Variants in LRRC37A2 observed in about 807,000 individuals in gnomAD.
The protein encoded by LRRC37A2 is leucine rich repeat containing 37 member A2, also known as leucine-rich repeat-containing protein 37A2.
A neutral mutation model predicts 68.8 loss-of-function variants in LRRC37A2; 9 were observed. The observed-to-expected ratio is 0.13, with a 90% CI of 0.08 to 0.23. The LOEUF (loss-of-function observed/expected upper bound fraction) is 0.23. Among genes scored for constraint, LRRC37A2 ranks in the 10% least tolerant of loss-of-function variants. The pLI, the probability that LRRC37A2 is intolerant of heterozygous loss-of-function variation, is 1.00. For synonymous variants in LRRC37A2, 63 were observed against 367.6 expected (o/e 0.17, Z 9.48); for missense variants, 168 against 950.4 (o/e 0.18, Z 10.82).
At chr17:46,960,670 T>TA in the LRRC37A2 span, among the ~76,000 whole-genome samples, 1 of 152,230 alleles carries the variant, frequency 6.6e-6, no homozygotes, top group Non-Finnish European at 1.5e-5. Context: ...AATGGAATAT[T>TA]ACTACTAAGC....
the LRRC37A2 span, among the ~76,000 whole-genome samples, chr17:46,795,500 CCT>C: frequency 3.9e-5 from 6 of 152,144 alleles, no homozygotes; most frequent in African/African-American, 1.2e-4. Flanking sequence ...CCCCTGACGC[CCT>C]GTCTAACCCT....
At chr17:46,943,512 A>T in the LRRC37A2 span, among the ~76,000 whole-genome samples, 50 of 152,310 alleles carry the variant, frequency 3.3e-4, no homozygotes, top group African/African-American at 1.2e-3. Flanking sequence ...TGAAACCTCC[A>T]AGAAGCCTGC....
chr17:47,000,069 TAAAATA>T, the LRRC37A2 span, among the ~76,000 whole-genome samples: 8,247 of 25,508 alleles, frequency 0.32, 1,777 homozygotes, highest in South Asian at 0.54. Flanking sequence ...AAAATTAAAA[TAAAATA>T]AAAAATAAAA....
chr17:46,966,858 G>T, the LRRC37A2 span: 1 of 409,362 alleles, frequency 2.4e-6, no homozygotes, highest in Non-Finnish European at 4.3e-6. Context: ...CATGTGAAGA[G>T]CCCTCTCTAA....
At chr17:46,759,706 CCAT>C in the LRRC37A2 span, among the ~76,000 whole-genome samples, 3 of 152,284 alleles carry the variant, frequency 2.0e-5, no homozygotes, top group African/African-American at 7.2e-5. Context: ...AATCATGTCG[CCAT>C]CATGTTTCCT....
the LRRC37A2 span, among the ~76,000 whole-genome samples, chr17:46,899,396 C>A: frequency 6.6e-6 from 1 of 151,968 alleles, no homozygotes; most frequent in South Asian, 2.1e-4. Flanking sequence ...CAGAGCGAGA[C>A]CCTGTCTCAA....
the LRRC37A2 span, chr17:46,770,078 C>T: frequency 6.6e-7 from 1 of 1,519,142 alleles, no homozygotes; most frequent in Non-Finnish European, 8.8e-7. Flanking sequence ...AGGCAGCACT[C>T]AGGACCCGGC....
At chr17:46,904,024 G>A in the LRRC37A2 span, among the ~76,000 whole-genome samples, 1 of 151,426 alleles carries the variant, frequency 6.6e-6, no homozygotes, top group Non-Finnish European at 1.5e-5. Flanking sequence ...AAATGTATGG[G>A]TGGGTGGATG....
the LRRC37A2 span, among the ~76,000 whole-genome samples, chr17:46,912,946 G>A: frequency 6.6e-6 from 1 of 152,230 alleles, no homozygotes; most frequent in Non-Finnish European, 1.5e-5. Flanking sequence ...AGCTTGGCCA[G>A]CTTAGGCAGG....
At chr17:46,752,494 C>T in the LRRC37A2 span, among the ~76,000 whole-genome samples, 1 of 151,992 alleles carries the variant, frequency 6.6e-6, no homozygotes, top group Non-Finnish European at 1.5e-5. Flanking sequence ...CTCGCTCTGT[C>T]TCCCAGGCCG....
the LRRC37A2 span, among the ~76,000 whole-genome samples, chr17:46,998,367 T>C: frequency 1.3e-5 from 2 of 152,188 alleles, no homozygotes; most frequent in Non-Finnish European, 2.9e-5. Flanking sequence ...TTCCCATTTA[T>C]GAAGTGAAGG....
chr17:46,749,781 G>A, the LRRC37A2 span: 2 of 1,613,420 alleles, frequency 1.2e-6, no homozygotes, highest in South Asian at 1.1e-5. Context: ...AGGGCCGCAA[G>A]CTTCTTATCA....
the LRRC37A2 span, among the ~76,000 whole-genome samples, chr17:46,853,411 A>C: frequency 8.6e-6 from 1 of 116,434 alleles, no homozygotes; most frequent in Non-Finnish European, 1.6e-5. Flanking sequence ...TCCCTCTGTC[A>C]CCCAGGCTGG....
chr17:46,978,390 A>ACAC, the LRRC37A2 span: 1 of 387,832 alleles, frequency 2.6e-6, no homozygotes, highest in Non-Finnish European at 4.3e-6. Flanking sequence ...AAAAACAAAC[A>ACAC]AACAAAAAAA....
chr17:46,838,559 C>A, the LRRC37A2 span, among the ~76,000 whole-genome samples: 2 of 152,048 alleles, frequency 1.3e-5, no homozygotes, highest in Admixed American at 1.3e-4. Context: ...CCTGGGAGGT[C>A]AAGGCTGCAG....
chr17:46,492,839 G>A, the LRRC37A2 span, among the ~76,000 whole-genome samples: 3 of 150,278 alleles, frequency 2.0e-5, no homozygotes, highest in Non-Finnish European at 2.9e-5. Flanking sequence ...GACTACAGGC[G>A]TCTACCACCA....
chr17:46,966,945 G>C, the LRRC37A2 span: 2 of 376,020 alleles, frequency 5.3e-6, no homozygotes, highest in Non-Finnish European at 9.4e-6. Flanking sequence ...TAGAGAAAAT[G>C]CTCACCTTCT....
the LRRC37A2 span, among the ~76,000 whole-genome samples, chr17:46,784,978 T>A: frequency 6.6e-6 from 1 of 152,018 alleles, no homozygotes; most frequent in East Asian, 1.9e-4. Flanking sequence ...GGGGTTTCAC[T>A]GTGTTAGCCA....
chr17:46,392,447 T>C, the LRRC37A2 span, among the ~76,000 whole-genome samples: 3 of 63,868 alleles, frequency 4.7e-5, no homozygotes, highest in East Asian at 7.8e-4. Context: ...CTTTCTTTCT[T>C]TCTTTCTTTC....
Sources: allele counts gnomAD v4.1 joint callset (sites outside exome capture counted in the v4.1 genomes callset), GRCh38; gene constraint gnomAD v4.1.1; transcripts MANE v1.5; gene names NCBI Gene and HGNC (gene_info 2026-07-23, HGNC 2026-07-21).